Variants in DMXL1 observed in about 807,000 individuals in gnomAD.
DMXL1 encodes the protein dmX-like protein 1.
Under a neutral mutation model 319.2 loss-of-function variants are expected in DMXL1, and 99 were observed. The ratio of observed to expected loss-of-function variants is 0.31; its 90% CI spans 0.26 to 0.37. The LOEUF (loss-of-function observed/expected upper bound fraction) is 0.37, where lower values mean the gene tolerates loss of function less well. Ranked by LOEUF, DMXL1 falls within the 10% of genes least tolerant of loss-of-function variation. DMXL1 has a pLI of 1.00. For synonymous variants in DMXL1, 1,385 were observed against 1,235.2 expected (o/e 1.12, Z -2.54); for missense variants, 3,745 against 3,595.6 (o/e 1.04, Z -1.06).
At chr5:119,101,790 G>C (rs1429797487) in intron 2 of DMXL1, 145 bp from the exon 3 acceptor site, 2 of 622,350 alleles carry the variant, frequency 3.2e-6, no homozygotes, top group African/African-American at 3.8e-5. Flanking sequence ...AGATGTGATA[G>C]TCTTCAAAAC....
chr5:119,074,896 G>A (rs1750466941), intron 1 of DMXL1, among the ~76,000 whole-genome samples: 1 of 152,118 alleles, frequency 6.6e-6, no homozygotes, highest in South Asian at 2.1e-4. Context: ...TTAATTAGCT[G>A]TTTATCCATT....
At chr5:119,234,403 A>G (rs1787340490) in intron 39 of DMXL1, among the ~76,000 whole-genome samples, 1 of 152,120 alleles carries the variant, frequency 6.6e-6, no homozygotes, top group Non-Finnish European at 1.5e-5. Context: ...CTGATGGTTC[A>G]CCTTGCCTTT....
At chr5:119,195,165 G>T (rs1166859947) in intron 30 of DMXL1, among the ~76,000 whole-genome samples, 1 of 152,128 alleles carries the variant, frequency 6.6e-6, no homozygotes, top group Non-Finnish European at 1.5e-5. Context: ...AAATCGTGCA[G>T]CAACTGTGGA....
chr5:119,147,006 C>G (rs750041969), intron 16 of DMXL1, 50 bp downstream of exon 16: 2 of 1,580,822 alleles, frequency 1.3e-6, no homozygotes, highest in Non-Finnish European at 8.6e-7. Context: ...TGTAAGTTAA[C>G]AAATTACACA....
intron 1 of DMXL1, among the ~76,000 whole-genome samples, chr5:119,089,903 G>A (rs1754327708): frequency 6.7e-6 from 1 of 149,818 alleles, no homozygotes; most frequent in South Asian, 2.1e-4. Flanking sequence ...TGGGATTACA[G>A]ACTTGAGCCA....
rs1479306584 is a variant in DMXL1, at chr5:119,141,123, C to G, written c.2377-2718C>G. ...CATACCTCAGAATAATAAGAGCTAT[C>G]TTTGACAGACTCTCAGCCAACATCA... is the stretch of plus-strand genomic sequence containing the variant. On this transcript the variant is annotated intron_variant, in intron 13 of 43. Transcript: ENST00000539542. Among the ~76,000 whole-genome samples, 2 of 152,242 alleles carry G rather than the reference C, an allele frequency of 1.3e-5. 1 individual carries two copies. Among genetic ancestry groups the G allele is most frequent in the African/African-American group, 4.8e-5 (2 of 41,552 alleles).
At chr5:119,076,676 T>A (rs1273896549) in intron 1 of DMXL1, among the ~76,000 whole-genome samples, 3 of 152,218 alleles carry the variant, frequency 2.0e-5, no homozygotes, top group Non-Finnish European at 4.4e-5. Context: ...ACTTAAAACC[T>A]ATGTCATTTA....
chr5:119,180,617 A>G (rs1199038563), intron 28 of DMXL1, among the ~76,000 whole-genome samples: 1 of 152,142 alleles, frequency 6.6e-6, no homozygotes, highest in Non-Finnish European at 1.5e-5. Context: ...TTGTTTTTGT[A>G]ACATTCCTTT....
Position 119,071,477 on chromosome 5 carries a change from GGCC to G in DMXL1, c.-86_-84del. 1 of 1,302,294 alleles carries G rather than the reference GGCC, an allele frequency of 7.7e-7. No individual in the cohort carries two copies. Among genetic ancestry groups the G allele is most frequent in the Non-Finnish European group, 1.1e-6 (1 of 925,886 alleles). 80.7% of individuals were successfully genotyped at this position (1,302,294 alleles called of 1,614,324 possible). ...GCTTCTGCCGTCGCCACCGAAGAGC[GGCC>G]GCCGCCCCTGAGGGAAGGAGGGAGG... On this transcript the variant is annotated 5_prime_UTR_variant, in exon 1 of 44. Coordinates refer to ENST00000539542, the MANE Select transcript of DMXL1 (RefSeq NM_001290321.3).
At position 119,171,155 on chromosome 5, in the gene DMXL1, T is replaced by C; in HGVS notation, c.6364T>C (p.Trp2122Arg). 6.2e-7 allele frequency: 1 copy of C among 1,614,022 alleles called. No homozygotes were observed. Among genetic ancestry groups the C allele is most frequent in the Non-Finnish European group, 8.5e-7 (1 of 1,179,898 alleles). Residue 2122 changes from tryptophan to arginine, a missense_variant, in exon 24 of 44, where the codon TGG becomes CGG. Around this residue, in one of 4 missense-constraint regions of DMXL1, gnomAD observed 1,382 missense variants for 1,269.5 expected, o/e 1.09. Coordinates refer to ENST00000539542, the MANE Select transcript of DMXL1 (RefSeq NM_001290321.3). Reference protein sequence around the residue: ...LRENFQEKRQWLLKYQSLLRM... With the variant: ...LRENFQEKRQRLLKYQSLLRM... ...AGAAAATTTTCAGGAAAAAAGACAG[T>C]GGCTCTTGAAGTATCAGTCACTTTT...
At chr5:119,127,349 CTTTTTTTTTTT>C (rs371183556) in intron 9 of DMXL1, 34 of 135,118 alleles carry the variant, frequency 2.5e-4, no homozygotes, top group Non-Finnish European at 3.0e-4. Flanking sequence ...GTCCTTTATC[CTTTTTTTTTTT>C]TTTTTTTTGA....
chr5:119,158,701 G>A (rs1336411414), intron 19 of DMXL1, among the ~76,000 whole-genome samples: 1 of 152,106 alleles, frequency 6.6e-6, no homozygotes, highest in East Asian at 1.9e-4. Flanking sequence ...AAAGGATGTC[G>A]AATTTTATCA....
chr5:119,163,483 C>G (rs1387268149), intron 19 of DMXL1, among the ~76,000 whole-genome samples: 1 of 152,244 alleles, frequency 6.6e-6, no homozygotes, highest in Non-Finnish European at 1.5e-5. Context: ...GTGGCACGAT[C>G]TTGCCTCACT....
At chr5:119,115,067 A>G (rs1561616968) in intron 6 of DMXL1, among the ~76,000 whole-genome samples, 1 of 152,250 alleles carries the variant, frequency 6.6e-6, no homozygotes, top group Non-Finnish European at 1.5e-5. Flanking sequence ...AGATCTGGAT[A>G]TAAATCTGCC....
intron 23 of DMXL1, 146 bp from the exon 24 acceptor site, chr5:119,170,044 A>T: frequency 1.5e-6 from 1 of 657,902 alleles, no homozygotes; most frequent in Non-Finnish European, 2.5e-6. Flanking sequence ...TTGTCTCTTC[A>T]GTGCCATGGA....
chr5:119,122,289 C>G (rs563447032), intron 9 of DMXL1, among the ~76,000 whole-genome samples: 1 of 144,500 alleles, frequency 6.9e-6, no homozygotes. Context: ...CCCTCCCGGA[C>G]GGGGCGGCTG....
intron 18 of DMXL1, 38 bp downstream of exon 18, chr5:119,150,459 C>T (rs770240220): frequency 6.5e-7 from 1 of 1,538,472 alleles, no homozygotes; most frequent in East Asian, 2.3e-5. Context: ...TTTTTACTTA[C>T]TTTCACAGAA....
At chr5:119,120,193 C>T (rs1428333596) in intron 8 of DMXL1, among the ~76,000 whole-genome samples, 1 of 152,198 alleles carries the variant, frequency 6.6e-6, no homozygotes, top group African/African-American at 2.4e-5. Context: ...GCCACCATGC[C>T]CGGCCCTGAA....
At chr5:119,127,257 C>A (rs145207052) in intron 9 of DMXL1, 6 of 220,590 alleles carry the variant, frequency 2.7e-5, no homozygotes, top group African/African-American at 1.4e-4. Context: ...TCAGCAACAC[C>A]CTTAGGATAC....
Sources: allele counts gnomAD v4.1 joint callset (sites outside exome capture counted in the v4.1 genomes callset), GRCh38; gene constraint gnomAD v4.1.1; regional missense constraint gnomAD v4.1.1; transcripts MANE v1.5; gene names NCBI Gene and HGNC (gene_info 2026-07-23, HGNC 2026-07-21).